Variants in DDOST observed in about 807,000 individuals in gnomAD.
DDOST encodes dolichyl-diphosphooligosaccharide--protein glycosyltransferase non-catalytic subunit.
A neutral mutation model predicts 47.6 loss-of-function variants in DDOST; 25 were observed. The observed-to-expected ratio is 0.53, with a 90% CI of 0.38 to 0.73. The LOEUF (loss-of-function observed/expected upper bound fraction) is 0.73, where lower values mean the gene tolerates loss of function less well. Among genes scored for constraint, DDOST ranks in the 30% least tolerant of loss-of-function variants. The pLI is 0.00. For missense variants in DDOST, 526 were observed against 573.9 expected (o/e 0.92, Z 0.85); for synonymous variants, 275 against 236.0 (o/e 1.17, Z -1.51).
chr1:20,655,390 C>T (rs1046715723), intron 5 of DDOST, 50 bp downstream of exon 5: 2 of 1,410,440 alleles, frequency 1.4e-6, no homozygotes, highest in Non-Finnish European at 2.0e-6. Flanking sequence ...AATTAAGTGA[C>T]CCCTTCTTCC....
In DDOST at chr1:20,653,711, C is replaced by T. The variant is rs2053326256; in HGVS notation, c.858G>A (p.Glu286=). The change falls in exon 8 of 11, where the codon GAG becomes GAA. Residue 286 remains glutamate (E), a synonymous_variant. Transcript: ENST00000602624. ...ACACAGGCCCCACACGGAGGACACCCTCCTCCTTGAACACCCAGCGGGAGA... is the reference window on the plus strand; with the variant it reads ...ACACAGGCCCCACACGGAGGACACCTTCCTCCTTGAACACCCAGCGGGAGA... ...VALSRWVFKE[E]GVLRVGPVSH... 6 of 1,614,090 alleles carry T rather than the reference C, an allele frequency of 3.7e-6. No homozygotes were observed. Among genetic ancestry groups the T allele is most frequent in the Non-Finnish European group, 5.1e-6 (6 of 1,179,944 alleles).
intron 2 of DDOST, among the ~76,000 whole-genome samples, chr1:20,659,642 C>T (rs1252536619): frequency 2.6e-5 from 4 of 152,232 alleles, no homozygotes; most frequent in African/African-American, 9.7e-5. Flanking sequence ...ATCCGCCTAA[C>T]TAATCTTGCC....
chr1:20,654,572 C>G (rs1474542804), intron 6 of DDOST, 42 bp downstream of exon 6: 1 of 1,512,326 alleles, frequency 6.6e-7, no homozygotes, highest in Non-Finnish European at 9.0e-7. Context: ...TGCTGTTCTG[C>G]TTCATTTTTA....
In DDOST at chr1:20,656,135, T is replaced by A. The variant is rs2053369931; in HGVS notation, c.318A>T (p.Gly106=). ...VETISAFIDG[G]GSVLVAASSD... The stretch of plus-strand genomic sequence containing the variant: ...AGCTGGCAGCTACCAGCACACTGCC[T>A]CCGCCGTCAATAAAGGCACTGATGG... Residue 106 remains glycine (G), a synonymous_variant, in exon 3 of 11, where the codon GGA becomes GGT. Coordinates refer to ENST00000602624, the MANE Select transcript of DDOST (RefSeq NM_005216.5). The A allele has an allele frequency of 6.2e-7, 1 of 1,614,022 alleles. No homozygotes were observed. Among genetic ancestry groups the A allele is most frequent in the African/African-American group, 1.3e-5 (1 of 74,922 alleles).
intron 2 of DDOST, 37 bp downstream of exon 2, chr1:20,660,844 T>C (rs1388773174): frequency 1.5e-6 from 2 of 1,292,290 alleles, no homozygotes; most frequent in Non-Finnish European, 2.2e-6. Flanking sequence ...GTCCCGGGTC[T>C]CGAATTCCAG....
At position 20,661,298 on chromosome 1, in the gene DDOST, G is replaced by GGTA; in HGVS notation, c.52_53insTAC (p.Leu17dup). The stretch of plus-strand genomic sequence containing the variant: ...GCTGGCGCAAACCGCGCCAAGCAAG[G>GGTA]GCAGCAGCAACCAAAAGAGGGCCCA... On this transcript the variant is annotated inframe_insertion, in exon 1 of 11. Coordinates refer to ENST00000602624, the MANE Select transcript of DDOST (RefSeq NM_005216.5). 1 of 1,613,906 alleles carries GGTA rather than the reference G, an allele frequency of 6.2e-7. No homozygotes were observed. The highest frequency in any genetic ancestry group is 8.5e-7 in the Non-Finnish European group (1 of 1,180,010).
intron 8 of DDOST, 72 bp downstream of exon 8, chr1:20,653,555 A>G (rs934013279): frequency 5.0e-5 from 73 of 1,459,690 alleles, no homozygotes; most frequent in Non-Finnish European, 5.8e-5. Context: ...GAAGTGTTCA[A>G]TAAGTGCTTC....
At chr1:20,660,512 CCT>C (rs1181198126) in intron 2 of DDOST, 2 of 164,658 alleles carry the variant, frequency 1.2e-5, no homozygotes, top group Admixed American at 5.8e-5. Flanking sequence ...ATGCACAATG[CCT>C]CTTTATAGCA....
intron 2 of DDOST, chr1:20,660,605 T>C (rs1570419048): frequency 3.4e-6 from 1 of 294,718 alleles, no homozygotes; most frequent in East Asian, 7.0e-5. Flanking sequence ...TATCAGGCCC[T>C]TTACAGAGTA....
chr1:20,659,438 T>C (rs1388865996), intron 2 of DDOST, among the ~76,000 whole-genome samples: 4 of 152,154 alleles, frequency 2.6e-5, no homozygotes, highest in Non-Finnish European at 5.9e-5. Flanking sequence ...GGTAACTCAT[T>C]TCAGGTCTTT....
chr1:20,652,660 G>A lies in DDOST; in HGVS notation c.1131C>T (p.Tyr377=). ...ACAGGTGTGTGTAGCCTAGCCGGTT[G>A]TAATCCACTTTAAACTGGAATACAC... is the stretch of plus-strand genomic sequence containing the variant. ...VYGVFQFKVD[Y]NRLGYTHLYS... Residue 377 remains tyrosine (Y), a synonymous_variant, in exon 10 of 11, where the codon TAC becomes TAT. Transcript: ENST00000602624. 6.2e-7 allele frequency: 1 copy of A among 1,614,202 alleles called. No individual in the cohort carries two copies.
intron 6 of DDOST, 36 bp from the exon 7 acceptor site, chr1:20,654,407 CAAGT>C (rs781610942): frequency 2.0e-5 from 31 of 1,544,190 alleles, no homozygotes; most frequent in Non-Finnish European, 2.6e-5. Context: ...CAAGCAGTTC[CAAGT>C]AAGGGAAAAG....
intron 2 of DDOST, chr1:20,660,300 C>T (rs1043502562): frequency 1.3e-5 from 2 of 152,356 alleles, no homozygotes; most frequent in Non-Finnish European, 2.9e-5. Flanking sequence ...TGGATTGCCT[C>T]GTAAAACAAG....
At position 20,652,857 on chromosome 1, in the gene DDOST, T is replaced by C. The variant is rs1259478452; in HGVS notation, c.1057A>G (p.Lys353Glu). 3.1e-6 allele frequency: 5 copies of C among 1,614,204 alleles called. No homozygotes were observed. The South Asian group carries it at 3.3e-5, about 11-fold the overall frequency. The change falls in exon 9 of 11, where the codon AAG becomes GAG. Residue 353 changes from lysine to glutamate, a missense_variant. Lys to Glu is a moderately conservative substitution (Grantham distance 56). Coordinates refer to ENST00000602624, the MANE Select transcript of DDOST (RefSeq NM_005216.5). ...IDPFVRTFLK[K>E]KGGKYSVQFK... ...GTGCAGGAACTACACTCACCTTTCT[T>C]CTTCAGGAAGGTCCTCACAAAAGGA...
chr1:20,655,176 T>G lies in DDOST; in HGVS notation c.551+264A>C, dbSNP rs12096794. Among the ~76,000 whole-genome samples, 1,569 of 124,810 alleles carry G rather than the reference T, an allele frequency of 0.013. 22 individuals are homozygous for G. Among genetic ancestry groups the G allele is most frequent in the African/African-American group, 0.042 (1,442 of 33,972 alleles). The allele number at this position is 124,810 out of a possible 152,430, so 81.9% of individuals were successfully genotyped here. ...CGCTCGGCCAACTTTTTTTTGTTTT[T>G]TTTTTTTTTTTTTTTTTTTAAAGAG... On this transcript the variant is annotated intron_variant, in intron 5 of 10. Transcript: ENST00000602624.
chr1:20,654,617 G>C lies in DDOST; in HGVS notation c.642C>G (p.Thr214=), dbSNP rs2053346549. The C allele has an allele frequency of 6.4e-7, 1 of 1,560,064 alleles. No homozygotes were observed. Among genetic ancestry groups the C allele is most frequent in the Non-Finnish European group, 8.7e-7 (1 of 1,150,488 alleles). ...SYSFFPDKPI[T]QYPHAVGKNT... is the part of the protein sequence containing the mutation. ...CTCAAGGTTGTGAAGCCCTTACCTGGGTGATAGGCTTGTCCGGGAAGAAGG... is the reference window on the plus strand; with the variant it reads ...CTCAAGGTTGTGAAGCCCTTACCTGCGTGATAGGCTTGTCCGGGAAGAAGG... Residue 214 remains threonine, a synonymous_variant, in exon 6 of 11, where the codon ACC becomes ACG. Transcript: ENST00000602624.
At position 20,660,973 on chromosome 1, in the gene DDOST, G is replaced by A. The variant is rs1372694906; in HGVS notation, c.173C>T (p.Thr58Ile). 11 of 1,613,516 alleles carry A rather than the reference G, an allele frequency of 6.8e-6. No homozygotes were observed. In the South Asian group the frequency reaches 1.2e-4, roughly 18 times the overall value. The change falls in exon 2 of 11, where the codon ACA (threonine) becomes ATA (isoleucine). Residue 58 changes from threonine (T) to isoleucine (I), a missense_variant. By Grantham distance (89) the Thr-to-Ile change is moderately conservative. Coordinates refer to ENST00000602624, the MANE Select transcript of DDOST (RefSeq NM_005216.5). ...GCTGGGGTCATCAGCGGTCTTGAATGTGAGCTCAAAGCCCCGGTCTGGACA... is the reference window on the plus strand; with the variant it reads ...GCTGGGGTCATCAGCGGTCTTGAATATGAGCTCAAAGCCCCGGTCTGGACA... ...RSLKDRGFEL[T>I]FKTADDPSLS...
chr1:20,652,845 A>G lies in DDOST; in HGVS notation c.1063+6T>C. On this transcript the variant is annotated splice_donor_region_variant and intron_variant, in intron 9 of 10. Coordinates refer to ENST00000602624, the MANE Select transcript of DDOST (RefSeq NM_005216.5). ...GGCAGCATCCTCGTGCAGGAACTAC[A>G]CTCACCTTTCTTCTTCAGGAAGGTC... The G allele has an allele frequency of 6.2e-7, 1 of 1,614,078 alleles. No homozygotes were observed. The highest frequency in any genetic ancestry group is 8.5e-7 in the Non-Finnish European group (1 of 1,179,986).
At chr1:20,656,221 G>T (rs771368331) in intron 2 of DDOST, 34 bp from the exon 3 acceptor site, 2 of 1,551,504 alleles carry the variant, frequency 1.3e-6, no homozygotes, top group East Asian at 2.2e-5. Flanking sequence ...TGACCCAGAG[G>T]TCTCCTCTCC....
Sources: allele counts gnomAD v4.1 joint callset (sites outside exome capture counted in the v4.1 genomes callset), GRCh38; gene constraint gnomAD v4.1.1; transcripts MANE v1.5; gene names NCBI Gene and HGNC (gene_info 2026-07-23, HGNC 2026-07-21).